Variants in CCDC7 observed in about 807,000 individuals in gnomAD.
The protein encoded by CCDC7 is coiled-coil domain-containing protein 7.
CCDC7 carries 183 observed loss-of-function variants against 196.9 expected under a neutral mutation model. The observed-to-expected ratio is 0.93, with a 90% CI of 0.82 to 1.05. The LOEUF is 1.05. Among genes scored for constraint, CCDC7 ranks in the 50% least tolerant of loss-of-function variants. The pLI, the probability that CCDC7 is intolerant of heterozygous loss-of-function variation, is 0.00. For missense variants in CCDC7, 1,540 were observed against 1,482.2 expected (o/e 1.04, Z -0.64); for synonymous variants, 525 against 484.6 (o/e 1.08, Z -1.10).
At chr10:32,515,524 C>G (rs551655518) in intron 9 of CCDC7, among the ~76,000 whole-genome samples, 9 of 152,114 alleles carry the variant, frequency 5.9e-5, no homozygotes, top group African/African-American at 2.2e-4. Context: ...TGCAAAAGAA[C>G]GAGGCTGGAT....
chr10:32,478,237 T>C (rs947705449), intron 8 of CCDC7, among the ~76,000 whole-genome samples: 1 of 152,190 alleles, frequency 6.6e-6, no homozygotes, highest in Non-Finnish European at 1.5e-5. Context: ...GGTGATTCTT[T>C]GGGATATTCT....
At chr10:32,523,867 C>T (rs1174253208) in intron 11 of CCDC7, among the ~76,000 whole-genome samples, 6 of 150,092 alleles carry the variant, frequency 4.0e-5, no homozygotes, top group African/African-American at 1.2e-4. Context: ...CTATGTGTCT[C>T]TTTATAGGTA....
At chr10:32,503,119 T>A (rs899108980) in intron 9 of CCDC7, among the ~76,000 whole-genome samples, 4 of 152,194 alleles carry the variant, frequency 2.6e-5, no homozygotes, top group Non-Finnish European at 5.9e-5. Flanking sequence ...TTATTCTTTT[T>A]CTATTTTGAT....
Position 32,459,273 on chromosome 10 carries a change from T to C in CCDC7, c.456+2939T>C, listed in dbSNP as rs564852501. The stretch of plus-strand genomic sequence containing the variant: ...AGGCCCTCCACTTAGTTGCTTTTCT[T>C]CCCTAGGAGAGTTCTGAGTTAGGTG... On this transcript the variant is annotated intron_variant, in intron 3 of 41. Coordinates refer to ENST00000639629, the Ensembl canonical transcript of CCDC7. Among the ~76,000 whole-genome samples the C allele has an allele frequency of 5.8e-4, 88 of 152,248 alleles. 1 individual carries two copies. The highest frequency in any genetic ancestry group is 2.0e-3 in the African/African-American group (83 of 41,554).
intron 21 of CCDC7, among the ~76,000 whole-genome samples, chr10:32,668,655 T>A (rs1055660338): frequency 6.6e-6 from 1 of 152,178 alleles, no homozygotes; most frequent in African/African-American, 2.4e-5. Context: ...TTGGTTCTGT[T>A]TATATGCTGG....
At chr10:32,686,193 G>A (rs1380230808) in intron 22 of CCDC7, 113 bp downstream of exon 23, 1 of 548,200 alleles carries the variant, frequency 1.8e-6, no homozygotes, top group Non-Finnish European at 3.2e-6. Context: ...TGAACCTAAA[G>A]TATGAATACC....
At chr10:32,463,141 C>T in intron 5 of CCDC7, 92 bp downstream of exon 6, 2 of 1,477,304 alleles carry the variant, frequency 1.4e-6, no homozygotes, top group Non-Finnish European at 1.8e-6. Flanking sequence ...ATGTATAAGT[C>T]ATTTTTGAAT....
intron 11 of CCDC7, among the ~76,000 whole-genome samples, chr10:32,540,429 G>A (rs2136086984): frequency 6.6e-6 from 1 of 152,220 alleles, no homozygotes; most frequent in African/African-American, 2.4e-5. Flanking sequence ...CCTGTGAGAT[G>A]GATCTCTTGA....
At chr10:32,524,341 A>G (rs1239856500) in intron 11 of CCDC7, among the ~76,000 whole-genome samples, 1 of 152,136 alleles carries the variant, frequency 6.6e-6, no homozygotes, top group Non-Finnish European at 1.5e-5. Context: ...GTGTCTTGAA[A>G]AAGCTGGTAT....
At chr10:32,779,672 C>A (rs188493857) in intron 29 of CCDC7, among the ~76,000 whole-genome samples, 3 of 152,106 alleles carry the variant, frequency 2.0e-5, no homozygotes, top group Admixed American at 6.5e-5. Context: ...CAGGCAAACA[C>A]GAACAAAATG....
chr10:32,469,138 T>A (rs2037432361), intron 5 of CCDC7, among the ~76,000 whole-genome samples: 1 of 152,206 alleles, frequency 6.6e-6, no homozygotes, highest in Non-Finnish European at 1.5e-5. Context: ...TAAAATTTAA[T>A]CTGTATTGGG....
At chr10:32,454,335 T>G (rs1285731960) in intron 2 of CCDC7, among the ~76,000 whole-genome samples, 2 of 152,194 alleles carry the variant, frequency 1.3e-5, no homozygotes, top group African/African-American at 4.8e-5. Flanking sequence ...TTGTGGTTAT[T>G]ATGTTTTGAA....
chr10:32,514,242 T>A (rs1298529870), intron 9 of CCDC7: 1 of 152,214 alleles, frequency 6.6e-6, no homozygotes, highest in Non-Finnish European at 1.5e-5. Context: ...CACCCCCTGC[T>A]ACCTCAGGGT....
chr10:32,850,791 AC>A (rs770158297), intron 39 of CCDC7, among the ~76,000 whole-genome samples: 1,197 of 55,510 alleles, frequency 0.022, 8 homozygotes, highest in South Asian at 0.046. Context: ...ACACACACAC[AC>A]ACACACACAC....
chr10:32,585,757 C>A (rs945869566), intron 18 of CCDC7, among the ~76,000 whole-genome samples: 1 of 152,140 alleles, frequency 6.6e-6, no homozygotes, highest in African/African-American at 2.4e-5. Context: ...GCCATATTTT[C>A]TTTATCCAGT....
chr10:32,808,009 C>T (rs1295378527), intron 30 of CCDC7, among the ~76,000 whole-genome samples: 1 of 152,144 alleles, frequency 6.6e-6, no homozygotes, highest in Non-Finnish European at 1.5e-5. Context: ...ATGCAGTGGG[C>T]TGCAGACACT....
At chr10:32,590,249 G>A (rs1170777510) in intron 18 of CCDC7, among the ~76,000 whole-genome samples, 1 of 151,544 alleles carries the variant, frequency 6.6e-6, no homozygotes, top group Non-Finnish European at 1.5e-5. Flanking sequence ...TTAGATTTGA[G>A]GTTACCATGA....
Position 32,805,003 on chromosome 10 carries a change from C to T in CCDC7, c.3014-12C>T. 1 of 1,561,246 alleles carries T rather than the reference C, an allele frequency of 6.4e-7. No homozygotes were observed. The highest frequency in any genetic ancestry group is 1.1e-5 in the South Asian group (1 of 89,324). On this transcript the variant is annotated splice_polypyrimidine_tract_variant and intron_variant, in intron 29 of 41. Transcript: ENST00000639629. Reference sequence around the variant, plus strand: ...CCTCGCAAAGTATTTTTAAATCCATCTATTTCTATAGAGACTGATATAGAA... The same window carrying T: ...CCTCGCAAAGTATTTTTAAATCCATTTATTTCTATAGAGACTGATATAGAA...
intron 41 of CCDC7, among the ~76,000 whole-genome samples, chr10:32,862,570 A>C (rs180747953): frequency 9.9e-5 from 15 of 151,712 alleles, no homozygotes; most frequent in South Asian, 2.1e-4. Context: ...TAAAAAAAAA[A>C]CCCACAGCTA....
Sources: allele counts gnomAD v4.1 joint callset (sites outside exome capture counted in the v4.1 genomes callset), GRCh38; gene constraint gnomAD v4.1.1; transcripts MANE v1.5; gene names NCBI Gene and HGNC (gene_info 2026-07-23, HGNC 2026-07-21).